The following SNX25 variants were observed in gnomAD, a reference collection of about 807,000 sequenced individuals.
SNX25 encodes sorting nexin-25.
In SNX25, 62 loss-of-function variants were observed where a neutral mutation model predicts 113.7. The observed-to-expected ratio is 0.55, with a 90% CI of 0.44 to 0.67. The LOEUF (loss-of-function observed/expected upper bound fraction) is 0.67, where lower values mean the gene tolerates loss of function less well. Among genes scored for constraint, SNX25 ranks in the 30% least tolerant of loss-of-function variants. The pLI is 0.00. For synonymous variants in SNX25, 421 were observed against 436.2 expected (o/e 0.97, Z 0.43); for missense variants, 1,014 against 1,161.0 (o/e 0.87, Z 1.84).
At chr4:185,378,283 C>G in the SNX25 span, 4,051 of 1,541,858 alleles carry the variant, frequency 2.6e-3, 7 homozygotes, top group Non-Finnish European at 3.3e-3. Context: ...CTATTCCCAC[C>G]AGGTGCTCAT....
chr4:185,267,234 G>A, intron 5 of SNX25, 79 bp downstream of exon 5: 2 of 1,227,138 alleles, frequency 1.6e-6, no homozygotes, highest in Admixed American at 2.3e-5. Flanking sequence ...AAAAAAAAAA[G>A]TAGTTGTCAG....
rs534958509 is a variant in SNX25, at chr4:185,218,234, G to A, written c.429+7979G>A. Among the ~76,000 whole-genome samples, 6 of 152,290 alleles carry A rather than the reference G, an allele frequency of 3.9e-5. No individual in the cohort carries two copies. The South Asian group carries it at 6.2e-4, about 16-fold the overall frequency. ...CAAGTAGCTGGGATTACAGGCGCCC[G>A]CCATCAAGCCTGGCTAATTTTTGTA... On this transcript the variant is annotated intron_variant, in intron 1 of 18. Transcript: ENST00000652585.
intron 5 of SNX25, 37 bp from the exon 6 acceptor site, chr4:185,287,975 C>T: frequency 6.6e-7 from 1 of 1,512,966 alleles, no homozygotes; most frequent in Non-Finnish European, 9.1e-7. Flanking sequence ...TATTTTCTTC[C>T]TCTTAAATCT....
intron 6 of SNX25, among the ~76,000 whole-genome samples, chr4:185,289,818 C>G (rs925614852): frequency 1.3e-5 from 2 of 152,150 alleles, no homozygotes; most frequent in African/African-American, 4.8e-5. Context: ...GTTCAGTCAG[C>G]AAAATACCTT....
chr4:185,302,914 G>T (rs1753915350), intron 6 of SNX25, among the ~76,000 whole-genome samples: 1 of 152,184 alleles, frequency 6.6e-6, no homozygotes, highest in South Asian at 2.1e-4. Context: ...TTCCCTGCCT[G>T]AAGGTCTGTG....
intron 8 of SNX25, 73 bp from the exon 9 acceptor site, chr4:185,323,455 A>G: frequency 6.9e-7 from 1 of 1,448,492 alleles, no homozygotes. Context: ...TTTCAAATGC[A>G]AATAATTCAG....
chr4:185,368,795 G>GTT (rs34691416), downstream of SNX25, among the ~76,000 whole-genome samples: 8,898 of 132,976 alleles, frequency 0.067, 426 homozygotes, highest in African/African-American at 0.12. Flanking sequence ...AATCTGTTTT[G>GTT]TTTTTTTTTT....
intron 2 of SNX25, among the ~76,000 whole-genome samples, chr4:185,257,121 T>G (rs1436924927): frequency 6.7e-6 from 1 of 149,606 alleles, no homozygotes; most frequent in Non-Finnish European, 1.5e-5. Flanking sequence ...GAGGATAAAT[T>G]ATTTATCTGA....
At chr4:185,331,401 A>G (rs1416728239) in intron 9 of SNX25, among the ~76,000 whole-genome samples, 1 of 152,222 alleles carries the variant, frequency 6.6e-6, no homozygotes, top group African/African-American at 2.4e-5. Context: ...TGTACGTTAT[A>G]TGAAGAAGGC....
intron 7 of SNX25, among the ~76,000 whole-genome samples, chr4:185,311,043 G>A (rs996108031): frequency 3.3e-5 from 5 of 152,076 alleles, no homozygotes; most frequent in East Asian, 1.9e-4. Flanking sequence ...GTGTGTGTGC[G>A]TGTGTGGATA....
chr4:185,341,886 G>A, intron 11 of SNX25, 90 bp from the exon 12 acceptor site: 1 of 1,382,602 alleles, frequency 7.2e-7, no homozygotes, highest in Admixed American at 2.5e-5. Flanking sequence ...CACGGGGAGG[G>A]AAATCTCCTT....
At chr4:185,276,651 C>T (rs1398430574) in intron 5 of SNX25, among the ~76,000 whole-genome samples, 1 of 152,146 alleles carries the variant, frequency 6.6e-6, no homozygotes, top group Non-Finnish European at 1.5e-5. Context: ...GCCTGGGCAA[C>T]ATAGTGAGAC....
At chr4:185,280,008 C>T (rs185356936) in intron 5 of SNX25, among the ~76,000 whole-genome samples, 334 of 152,166 alleles carry the variant, frequency 2.2e-3, no homozygotes, top group Non-Finnish European at 3.3e-3. Context: ...GCAACCTTGA[C>T]CTCCCATGCT....
At chr4:185,229,209 G>A (rs1357460296) in intron 1 of SNX25, among the ~76,000 whole-genome samples, 1 of 152,202 alleles carries the variant, frequency 6.6e-6, no homozygotes, top group Non-Finnish European at 1.5e-5. Context: ...GCACAAGAAT[G>A]TTTAATGAGA....
intron 6 of SNX25, among the ~76,000 whole-genome samples, chr4:185,308,723 T>A (rs1754837117): frequency 6.6e-6 from 1 of 152,120 alleles, no homozygotes; most frequent in Non-Finnish European, 1.5e-5. Context: ...ATATTTACGA[T>A]CTCCCTTGTC....
chr4:185,239,463 CAG>C lies in SNX25; in HGVS notation c.430-7828_430-7827del, dbSNP rs1383187081. On this transcript the variant is annotated intron_variant, in intron 1 of 18. Transcript: ENST00000652585. ...GCACCGCTGCACTCCAGCCTGGCAA[CAG>C]AGTGAGACTCCGTCTCAAAAAGAAA... Among the ~76,000 whole-genome samples the C allele has an allele frequency of 1.7e-4, 26 of 151,038 alleles. No individual in the cohort carries two copies. In the East Asian group the frequency reaches 4.7e-3, roughly 27 times the overall value.
rs535809869 is a variant in SNX25, at chr4:185,334,974, G to A, written c.1914+2215G>A. Among the ~76,000 whole-genome samples, 3 of 152,270 alleles carry A rather than the reference G, an allele frequency of 2.0e-5. No individual in the cohort carries two copies. Among genetic ancestry groups the A allele is most frequent in the Non-Finnish European group, 2.9e-5 (2 of 68,026 alleles). ...ATCCTTCTCTCCAGAAGAAGACATA[G>A]TCCTCCTTTTGTCGTTTACTTATGT... On this transcript the variant is annotated intron_variant, in intron 10 of 18. Coordinates refer to ENST00000652585, the MANE Select transcript of SNX25 (RefSeq NM_001378034.2). The surrounding 1 kb of genome is among the most constrained non-coding windows in gnomAD (Gnocchi z 4.2).
At chr4:185,283,008 A>C (rs1750852246) in intron 5 of SNX25, among the ~76,000 whole-genome samples, 1 of 152,232 alleles carries the variant, frequency 6.6e-6, no homozygotes, top group South Asian at 2.1e-4. Flanking sequence ...CAAGAATGAG[A>C]AAGTCAATCA....
At chr4:185,345,868 A>AT (rs201599881) in intron 12 of SNX25, among the ~76,000 whole-genome samples, 289 of 149,658 alleles carry the variant, frequency 1.9e-3, no homozygotes, top group African/African-American at 6.4e-3. Context: ...TTTTCTTTTT[A>AT]TTTTTTTTTG....
Sources: allele counts gnomAD v4.1 joint callset (sites outside exome capture counted in the v4.1 genomes callset), GRCh38; gene constraint gnomAD v4.1.1; non-coding constraint Gnocchi (gnomAD v3.1); transcripts MANE v1.5; gene names NCBI Gene and HGNC (gene_info 2026-07-23, HGNC 2026-07-21).